The following GALNT1 variants were observed in gnomAD, a reference collection of about 807,000 sequenced individuals.
The protein encoded by GALNT1 is GalNAc transferase 1.
GALNT1 carries 17 observed loss-of-function variants against 65.7 expected under a neutral mutation model. That is an observed-to-expected ratio of 0.26 (90% CI 0.18 to 0.39). The LOEUF (loss-of-function observed/expected upper bound fraction) is 0.39, where lower values mean the gene tolerates loss of function less well. Among genes scored for constraint, GALNT1 ranks in the 10% least tolerant of loss-of-function variants. The probability of loss-of-function intolerance (pLI) is 1.00; values close to 1 mark genes in which losing one functional copy is unlikely to be tolerated. For synonymous variants in GALNT1, 210 were observed against 219.7 expected (o/e 0.96, Z 0.39); for missense variants, 460 against 672.8 (o/e 0.68, Z 3.50).
rs2047355533 is a variant in GALNT1 at position 35,654,630 on chromosome 18, TA to T, written c.-32del. 8.2e-7 allele frequency: 1 copy of T among 1,222,728 alleles called. No homozygotes were observed. The highest frequency in any genetic ancestry group is 1.6e-5 in the African/African-American group (1 of 63,500). 75.7% of individuals were successfully genotyped at this position (1,222,728 alleles called of 1,614,324 possible). ...TGATCTTTGTATATTTATATATATA[TA>T]TTTTTAAATTTTGCATTTGACTTAA... is the stretch of plus-strand genomic sequence containing the variant. On this transcript the variant is annotated 5_prime_UTR_variant, in exon 2 of 12. It removes the in-frame stop codon of an upstream open reading frame in the 5' UTR. Coordinates refer to ENST00000269195, the MANE Select transcript of GALNT1 (RefSeq NM_020474.4).
intron 1 of GALNT1, among the ~76,000 whole-genome samples, chr18:35,594,000 G>A (rs1443344093): frequency 6.7e-6 from 1 of 150,302 alleles, no homozygotes; most frequent in Non-Finnish European, 1.5e-5. Context: ...GTGAGTCACC[G>A]TGCCCAGCCT....
intron 1 of GALNT1, among the ~76,000 whole-genome samples, chr18:35,586,858 C>A (rs1325503055): frequency 1.3e-5 from 2 of 151,996 alleles, no homozygotes; most frequent in African/African-American, 4.8e-5. Context: ...TTGTTTATAT[C>A]TACAAAAAAG....
chr18:35,692,032 G>T, intron 8 of GALNT1, 149 bp from the exon 9 acceptor site: 3 of 583,562 alleles, frequency 5.1e-6, no homozygotes, highest in Non-Finnish European at 8.9e-6. Context: ...TTATACTTTT[G>T]GTGGATTCAT....
Position 35,691,041 on chromosome 18 carries a change from T to G in GALNT1, c.1008T>G (p.Ile336Met). ...GGCAGTGTGGAGGAACTTTGGAAAT[T>G]GTTACATGCTCACATGTTGGACATG... Reference protein sequence around the residue: ...RIWQCGGTLEIVTCSHVGHVF... With the variant: ...RIWQCGGTLEMVTCSHVGHVF... The change falls in exon 8 of 12, where the codon ATT (isoleucine) becomes ATG (methionine). Residue 336 changes from isoleucine (I) to methionine (M), a missense_variant. Coordinates refer to ENST00000269195, the MANE Select transcript of GALNT1 (RefSeq NM_020474.4). 1 of 1,605,590 alleles carries G rather than the reference T, an allele frequency of 6.2e-7. No individual in the cohort carries two copies. The highest frequency in any genetic ancestry group is 8.5e-7 in the Non-Finnish European group (1 of 1,176,878).
intron 1 of GALNT1, among the ~76,000 whole-genome samples, chr18:35,582,866 G>C (rs1021102023): frequency 6.6e-6 from 1 of 152,180 alleles, no homozygotes; most frequent in African/African-American, 2.4e-5. Flanking sequence ...TCCAGACCTG[G>C]ACTGTCCAGC....
At chr18:35,587,026 T>C (rs1034545183) in intron 1 of GALNT1, among the ~76,000 whole-genome samples, 6 of 152,256 alleles carry the variant, frequency 3.9e-5, no homozygotes, top group African/African-American at 1.4e-4. Flanking sequence ...TGTGTAGTTT[T>C]ATCATGCAAG....
chr18:35,658,980 G>T (rs56142224), intron 2 of GALNT1, among the ~76,000 whole-genome samples: 9,367 of 152,136 alleles, frequency 0.062, 319 homozygotes, highest in South Asian at 0.076. Flanking sequence ...AAAGTGCTGG[G>T]ATTACAGGAG....
At chr18:35,634,777 T>C (rs947033402) in intron 1 of GALNT1, among the ~76,000 whole-genome samples, 1 of 152,226 alleles carries the variant, frequency 6.6e-6, no homozygotes, top group Non-Finnish European at 1.5e-5. Flanking sequence ...TGAATCACGC[T>C]TATCATTTAG....
intron 3 of GALNT1, among the ~76,000 whole-genome samples, chr18:35,670,467 C>A: frequency 6.6e-6 from 1 of 152,102 alleles, no homozygotes; most frequent in East Asian, 1.9e-4. Flanking sequence ...AAAGGCTCTT[C>A]AGAGTAAATT....
chr18:35,679,777 T>C (rs1187981545), intron 4 of GALNT1, among the ~76,000 whole-genome samples: 1 of 152,222 alleles, frequency 6.6e-6, no homozygotes, highest in Non-Finnish European at 1.5e-5. Context: ...TATTTTTCTT[T>C]GGCTCCATTG....
At position 35,660,853 on chromosome 18, in the gene GALNT1, A is replaced by G. The variant is rs75803116; in HGVS notation, c.140-2775A>G. 9.3e-3 allele frequency among the ~76,000 whole-genome samples: 1,421 copies of G among 152,312 alleles called. 22 individuals carry two copies. The highest frequency in any genetic ancestry group is 0.033 in the African/African-American group (1,352 of 41,562). On this transcript the variant is annotated intron_variant, in intron 2 of 11. Coordinates refer to ENST00000269195, the MANE Select transcript of GALNT1 (RefSeq NM_020474.4). ...AGTATTGTGGTGCATTCTCTAAATC[A>G]TTCAGTAGACATGTAACTTTTGATT...
intron 1 of GALNT1, among the ~76,000 whole-genome samples, chr18:35,628,768 C>T (rs1335833998): frequency 9.2e-5 from 14 of 152,222 alleles, no homozygotes; most frequent in Admixed American, 2.6e-4. Flanking sequence ...CAAACTTCTC[C>T]GAGCTAAAGG....
intron 4 of GALNT1, among the ~76,000 whole-genome samples, chr18:35,681,966 G>A (rs2047793170): frequency 6.6e-6 from 1 of 152,066 alleles, no homozygotes; most frequent in Admixed American, 6.6e-5. Flanking sequence ...CATTAAATGA[G>A]ATAAAATATA....
At chr18:35,652,076 T>C (rs2047318693) in intron 1 of GALNT1, among the ~76,000 whole-genome samples, 1 of 152,134 alleles carries the variant, frequency 6.6e-6, no homozygotes, top group Non-Finnish European at 1.5e-5. Flanking sequence ...TCAAGTTCCT[T>C]ACATGTTATT....
At position 35,708,161 on chromosome 18, in the gene GALNT1, G is replaced by C. The variant is rs2048296669; in HGVS notation, c.1534-1463G>C. Among the ~76,000 whole-genome samples the C allele has an allele frequency of 2.0e-5, 3 of 152,206 alleles. No homozygotes were observed. In the South Asian group the frequency reaches 6.2e-4, roughly 32 times the overall value. On this transcript the variant is annotated intron_variant, in intron 11 of 11. Transcript: ENST00000269195. ...TTTTGCTCAGAAGCATATAGTTGGT[G>C]TGTGACAAATCTGGAAATCACCCCA... is the stretch of plus-strand genomic sequence containing the variant.
At chr18:35,663,236 G>A (rs1290916067) in intron 2 of GALNT1, among the ~76,000 whole-genome samples, 2 of 152,206 alleles carry the variant, frequency 1.3e-5, no homozygotes, top group African/African-American at 4.8e-5. Flanking sequence ...ATGAAGTACT[G>A]TGGGATGGGA....
chr18:35,599,008 TC>T (rs1336728226), intron 1 of GALNT1, among the ~76,000 whole-genome samples: 8 of 148,626 alleles, frequency 5.4e-5, no homozygotes, highest in African/African-American at 1.8e-4. Flanking sequence ...TTTTTTTTTT[TC>T]ATGTACGTGT....
chr18:35,693,952 A>G (rs1260322959), intron 9 of GALNT1, among the ~76,000 whole-genome samples: 1 of 152,130 alleles, frequency 6.6e-6, no homozygotes, highest in Non-Finnish European at 1.5e-5. Flanking sequence ...AAAGATTGAG[A>G]AGGAGTAGGC....
intron 1 of GALNT1, among the ~76,000 whole-genome samples, chr18:35,587,514 G>A (rs1300901035): frequency 1.3e-5 from 2 of 152,170 alleles, no homozygotes; most frequent in Non-Finnish European, 2.9e-5. Flanking sequence ...AGTTAGGGAA[G>A]TTCCTCTCTG....
Sources: gnomAD v4.1 joint callset for allele counts (sites outside exome capture counted in the v4.1 genomes callset) on GRCh38, gnomAD v4.1.1 for gene constraint, MANE v1.5 for transcripts, NCBI Gene and HGNC (gene_info 2026-07-23, HGNC 2026-07-21) for gene names.